The following CHODL variants were observed in gnomAD, a reference collection of about 807,000 sequenced individuals.
CHODL encodes the protein chondrolectin.
CHODL carries 29 observed loss-of-function variants against 34.5 expected under a neutral mutation model. That is an observed-to-expected ratio of 0.84 (90% CI 0.63 to 1.15). The LOEUF (loss-of-function observed/expected upper bound fraction) is 1.15. Among genes scored for constraint, CHODL ranks in the 50% most tolerant of loss-of-function variants. The pLI, the probability that CHODL is intolerant of heterozygous loss-of-function variation, is 0.00. For synonymous variants in CHODL, 125 were observed against 116.1 expected (o/e 1.08, Z -0.49); for missense variants, 332 against 332.5 (o/e 1.00, Z 0.01).
At chr21:18,195,323 G>C (rs1360582532) in intron 2 of CHODL, among the ~76,000 whole-genome samples, 1 of 152,060 alleles carries the variant, frequency 6.6e-6, no homozygotes, top group Admixed American at 6.6e-5. Context: ...CAAAGTGCTG[G>C]GATTACAGGC....
At chr21:17,985,467 G>A (rs1391168280) in intron 1 of CHODL, among the ~76,000 whole-genome samples, 4 of 152,196 alleles carry the variant, frequency 2.6e-5, no homozygotes. Flanking sequence ...TTGTCATAGA[G>A]TCACAAGGTC....
At chr21:18,080,388 G>T (rs890203901) in intron 2 of CHODL, among the ~76,000 whole-genome samples, 1 of 152,046 alleles carries the variant, frequency 6.6e-6, no homozygotes, top group African/African-American at 2.4e-5. Flanking sequence ...TGAAGACTTG[G>T]TTATAAATAT....
chr21:17,946,762 A>G (rs1195068288), intron 1 of CHODL, among the ~76,000 whole-genome samples: 2 of 152,140 alleles, frequency 1.3e-5, no homozygotes, highest in Admixed American at 6.5e-5. Flanking sequence ...ATATTTTTCT[A>G]TCCCTTTACT....
chr21:18,117,617 G>T (rs182526921), intron 2 of CHODL, among the ~76,000 whole-genome samples: 1 of 152,110 alleles, frequency 6.6e-6, no homozygotes, highest in South Asian at 2.1e-4. Context: ...TTGTGCCTTC[G>T]TGTAGCTTAT....
chr21:18,140,605 G>T (rs895473452), intron 2 of CHODL, among the ~76,000 whole-genome samples: 1 of 152,046 alleles, frequency 6.6e-6, no homozygotes, highest in East Asian at 1.9e-4. Flanking sequence ...AATCTGAAAA[G>T]TCCCAGGTAC....
intron 1 of CHODL, among the ~76,000 whole-genome samples, chr21:17,980,024 T>C (rs2063701351): frequency 6.6e-6 from 1 of 152,112 alleles, no homozygotes; most frequent in Non-Finnish European, 1.5e-5. Context: ...AAATTAAAAG[T>C]GAGCACTGAG....
At chr21:18,039,396 T>C (rs963278460) in intron 2 of CHODL, among the ~76,000 whole-genome samples, 1 of 151,708 alleles carries the variant, frequency 6.6e-6, no homozygotes, top group Admixed American at 6.6e-5. Flanking sequence ...TCATATCCCA[T>C]GCTGTTCTCT....
At chr21:18,149,378 G>T (rs2072937210) in intron 2 of CHODL, among the ~76,000 whole-genome samples, 1 of 152,200 alleles carries the variant, frequency 6.6e-6, no homozygotes, top group Admixed American at 6.5e-5. Flanking sequence ...TGCTCTTGTA[G>T]CACTGGTAGT....
At chr21:18,081,349 A>G (rs1416903584) in intron 2 of CHODL, among the ~76,000 whole-genome samples, 1 of 151,966 alleles carries the variant, frequency 6.6e-6, no homozygotes, top group East Asian at 1.9e-4. Flanking sequence ...TTGCCTGATT[A>G]CTCCAGTGAG....
At chr21:18,020,147 C>A (rs953136047) in intron 1 of CHODL, among the ~76,000 whole-genome samples, 3 of 151,998 alleles carry the variant, frequency 2.0e-5, no homozygotes, top group Non-Finnish European at 4.4e-5. Context: ...TGGTTTTGCC[C>A]AAATTTTCTA....
intron 2 of CHODL, among the ~76,000 whole-genome samples, chr21:18,085,789 T>C (rs1404796639): frequency 6.6e-6 from 1 of 152,196 alleles, no homozygotes; most frequent in African/African-American, 2.4e-5. Flanking sequence ...TAAAAATCTT[T>C]TATTCACTTT....
chr21:18,261,042 G>T (rs775484744), intron 4 of CHODL, among the ~76,000 whole-genome samples: 1 of 152,094 alleles, frequency 6.6e-6, no homozygotes, highest in African/African-American at 2.4e-5. Flanking sequence ...GCAAATTATC[G>T]CTCAGATACC....
At chr21:18,078,886 G>A (rs1397878362) in intron 2 of CHODL, among the ~76,000 whole-genome samples, 4 of 152,100 alleles carry the variant, frequency 2.6e-5, no homozygotes, top group Non-Finnish European at 5.9e-5. Flanking sequence ...CTTGTCTAAG[G>A]TCCTACAGCT....
intron 2 of CHODL, among the ~76,000 whole-genome samples, chr21:18,118,399 A>G (rs1195685255): frequency 6.6e-6 from 1 of 152,152 alleles, no homozygotes; most frequent in African/African-American, 2.4e-5. Context: ...CAAAAATACT[A>G]ATTAACATCC....
At chr21:18,015,499 T>C (rs375874786) in intron 1 of CHODL, among the ~76,000 whole-genome samples, 2 of 152,236 alleles carry the variant, frequency 1.3e-5, no homozygotes, top group African/African-American at 2.4e-5. Context: ...AATGGACTAA[T>C]ACCGAGAATT....
chr21:17,977,973 A>C (rs929608193), intron 1 of CHODL, among the ~76,000 whole-genome samples: 18 of 150,356 alleles, frequency 1.2e-4, no homozygotes, highest in African/African-American at 4.2e-4. Flanking sequence ...GAGGGAAAAC[A>C]GGTTTTGGTA....
chr21:17,932,616 G>T (rs1346624306), intron 1 of CHODL, among the ~76,000 whole-genome samples: 1 of 152,010 alleles, frequency 6.6e-6, no homozygotes, highest in Non-Finnish European at 1.5e-5. Context: ...CCCGTGAAAT[G>T]CCACTCACTC....
intron 2 of CHODL, among the ~76,000 whole-genome samples, chr21:18,208,182 T>A (rs1258430830): frequency 6.6e-6 from 1 of 150,906 alleles, no homozygotes; most frequent in East Asian, 1.9e-4. Flanking sequence ...TTTTTTTTTT[T>A]TGGTCTGCTC....
chr21:18,212,345 A>G (rs1156618773), intron 2 of CHODL, among the ~76,000 whole-genome samples: 1 of 152,178 alleles, frequency 6.6e-6, no homozygotes, highest in African/African-American at 2.4e-5. Context: ...CAAGTATTGA[A>G]CCACACATCA....
Sources: gnomAD v4.1 joint callset for allele counts (sites outside exome capture counted in the v4.1 genomes callset) on GRCh38, gnomAD v4.1.1 for gene constraint, MANE v1.5 for transcripts, NCBI Gene and HGNC (gene_info 2026-07-23, HGNC 2026-07-21) for gene names.